Variants in MBD5 observed in about 807,000 individuals in gnomAD.
The protein encoded by MBD5 is methyl-CpG binding domain protein 5.
Under a neutral mutation model 117.3 loss-of-function variants are expected in MBD5, and 13 were observed. The observed-to-expected ratio is 0.11, with a 90% CI of 0.07 to 0.18. The LOEUF (loss-of-function observed/expected upper bound fraction) is 0.18, where lower values mean the gene tolerates loss of function less well. Ranked by LOEUF, MBD5 falls within the 10% of genes least tolerant of loss-of-function variation. The probability of loss-of-function intolerance (pLI) is 1.00; values close to 1 mark genes in which losing one functional copy is unlikely to be tolerated. For synonymous variants in MBD5, 727 were observed against 766.4 expected, an observed-to-expected ratio of 0.95 and a Z score of 0.85; for missense variants, 1,879 against 2,093.8, an observed-to-expected ratio of 0.90 and a Z score of 2.00.
intron 3 of MBD5, among the ~76,000 whole-genome samples, chr2:148,274,879 C>T (rs1701069883): frequency 6.6e-6 from 1 of 152,038 alleles, no homozygotes; most frequent in African/African-American, 2.4e-5. Context: ...CATGCCACCA[C>T]ACCTGACTAA....
At chr2:148,377,219 G>C (rs189166190) in intron 4 of MBD5, among the ~76,000 whole-genome samples, 1 of 151,990 alleles carries the variant, frequency 6.6e-6, no homozygotes, top group Non-Finnish European at 1.5e-5. Flanking sequence ...CATTCAGCAC[G>C]GGAAAAGGAT....
intron 12 of MBD5, chr2:148,502,900 G>A: frequency 8.5e-6 from 2 of 234,856 alleles, no homozygotes; most frequent in South Asian, 1.3e-4. Flanking sequence ...TTGTACACAT[G>A]TAAATAATTT....
intron 1 of MBD5, among the ~76,000 whole-genome samples, chr2:148,143,061 T>C (rs1697356534): frequency 6.6e-6 from 1 of 152,168 alleles, no homozygotes; most frequent in South Asian, 2.1e-4. Flanking sequence ...AAGAGCTAAG[T>C]CTTTATATAT....
At chr2:148,407,424 T>C (rs1705117169) in intron 4 of MBD5, among the ~76,000 whole-genome samples, 1 of 151,714 alleles carries the variant, frequency 6.6e-6, no homozygotes, top group African/African-American at 2.4e-5. Context: ...TTGAAGTAGA[T>C]TGATGCTGCC....
intron 3 of MBD5, among the ~76,000 whole-genome samples, chr2:148,267,575 T>C (rs1700887821): frequency 6.6e-6 from 1 of 152,200 alleles, no homozygotes; most frequent in African/African-American, 2.4e-5. Context: ...TCTCCATTCC[T>C]TCCCCTTGCC....
chr2:148,277,414 T>C (rs1701141822), intron 3 of MBD5, among the ~76,000 whole-genome samples: 1 of 152,152 alleles, frequency 6.6e-6, no homozygotes, highest in Admixed American at 6.5e-5. Flanking sequence ...ATGCATATAA[T>C]ACAAACAAAT....
intron 1 of MBD5, among the ~76,000 whole-genome samples, chr2:148,048,128 T>C (rs145903992): frequency 6.6e-6 from 1 of 152,302 alleles, no homozygotes; most frequent in Non-Finnish European, 1.5e-5. Context: ...AAACATTCTG[T>C]CTCTGTAAAG....
At chr2:148,335,722 GAAT>G (rs927429644) in intron 3 of MBD5, among the ~76,000 whole-genome samples, 1 of 151,454 alleles carries the variant, frequency 6.6e-6, no homozygotes, top group Non-Finnish European at 1.5e-5. Flanking sequence ...CTGTCTTAAA[GAAT>G]AATAATAATA....
At chr2:148,097,012 G>A (rs760721137) in intron 1 of MBD5, among the ~76,000 whole-genome samples, 1 of 152,010 alleles carries the variant, frequency 6.6e-6, no homozygotes, top group Non-Finnish European at 1.5e-5. Context: ...TTGATTGCAG[G>A]AAACTACCTA....
chr2:148,440,458 C>T (rs1339269358), intron 4 of MBD5, among the ~76,000 whole-genome samples: 1 of 152,122 alleles, frequency 6.6e-6, no homozygotes, highest in Non-Finnish European at 1.5e-5. Context: ...TCTATTCGGC[C>T]TCCACTCAGT....
intron 1 of MBD5, among the ~76,000 whole-genome samples, chr2:148,126,827 C>G (rs1211811426): frequency 2.6e-5 from 4 of 152,066 alleles, no homozygotes; most frequent in Non-Finnish European, 4.4e-5. Context: ...TCAGAATGCA[C>G]TTTTATTGAG....
At chr2:148,355,657 G>C (rs943857082) in intron 4 of MBD5, among the ~76,000 whole-genome samples, 13 of 152,172 alleles carry the variant, frequency 8.5e-5, no homozygotes, top group African/African-American at 1.2e-4. Flanking sequence ...TTTGGTACCA[G>C]TACCATGCTG....
chr2:148,353,303 T>C (rs940787259), intron 4 of MBD5, among the ~76,000 whole-genome samples: 2 of 152,150 alleles, frequency 1.3e-5, no homozygotes, highest in African/African-American at 4.8e-5. Flanking sequence ...TGAGCAGATG[T>C]GTGTGTTTAA....
chr2:148,092,003 A>G (rs1466259793), intron 1 of MBD5, among the ~76,000 whole-genome samples: 2 of 152,212 alleles, frequency 1.3e-5, no homozygotes, highest in African/African-American at 4.8e-5. Flanking sequence ...AGCAAAGGAT[A>G]TAAATAGACA....
intron 4 of MBD5, among the ~76,000 whole-genome samples, chr2:148,347,828 G>A (rs1365551118): frequency 6.6e-6 from 1 of 151,834 alleles, no homozygotes; most frequent in African/African-American, 2.4e-5. Context: ...TATGCTGAAA[G>A]GGGCCCATGA....
chr2:148,290,607 C>T (rs1701478726), intron 3 of MBD5, among the ~76,000 whole-genome samples: 1 of 152,130 alleles, frequency 6.6e-6, no homozygotes, highest in Non-Finnish European at 1.5e-5. Context: ...ACCCCAGGCT[C>T]TTCCCCGCTC....
chr2:148,461,342 A>G (rs1707073098), intron 5 of MBD5, among the ~76,000 whole-genome samples: 1 of 152,216 alleles, frequency 6.6e-6, no homozygotes, highest in Admixed American at 6.6e-5. Flanking sequence ...ACCTGAAAAA[A>G]AAATAGCCTA....
intron 5 of MBD5, 88 bp downstream of exon 5, chr2:148,458,959 A>G: frequency 9.7e-7 from 1 of 1,033,040 alleles, no homozygotes; most frequent in East Asian, 2.4e-5. Flanking sequence ...ATGGCACCTC[A>G]TATAAATGTG....
chr2:148,406,060 T>G (rs1482560247), intron 4 of MBD5, among the ~76,000 whole-genome samples: 1 of 152,118 alleles, frequency 6.6e-6, no homozygotes, highest in Non-Finnish European at 1.5e-5. Flanking sequence ...CCAGGAGTGG[T>G]GGTACATTCC....
Sources: allele counts gnomAD v4.1 joint callset (sites outside exome capture counted in the v4.1 genomes callset), GRCh38; gene constraint gnomAD v4.1.1; transcripts MANE v1.5; gene names NCBI Gene and HGNC (gene_info 2026-07-23, HGNC 2026-07-21).